The following STIM2 variants were observed in gnomAD, a reference collection of about 807,000 sequenced individuals.
STIM2 encodes the protein stromal interaction molecule 2.
STIM2 carries 31 observed loss-of-function variants against 85.8 expected under a neutral mutation model. That is an observed-to-expected ratio of 0.36 (90% CI 0.27 to 0.49). STIM2 has a LOEUF of 0.49. STIM2 is among the 20% of genes least tolerant of loss of function. The probability of loss-of-function intolerance (pLI) is 0.98; values close to 1 mark genes in which losing one functional copy is unlikely to be tolerated. For missense variants in STIM2, 841 were observed against 927.6 expected (o/e 0.91, Z 1.21); for synonymous variants, 356 against 331.1 (o/e 1.08, Z -0.82).
intron 1 of STIM2, among the ~76,000 whole-genome samples, chr4:26,897,144 A>G (rs937012986): frequency 1.3e-5 from 2 of 152,242 alleles, no homozygotes; most frequent in Non-Finnish European, 2.9e-5. Flanking sequence ...CTATTTACAA[A>G]TAAAATGCTT....
At position 26,976,808 on chromosome 4, in the gene STIM2, A is replaced by G. The variant is rs1222850831; in HGVS notation, c.398-18571A>G. On this transcript the variant is annotated intron_variant, in intron 3 of 11. Transcript: ENST00000467087. The stretch of plus-strand genomic sequence containing the variant: ...GACAGAGTGGGACTCTGTCTCAAAA[A>G]AACAAAAAAAATTATTTTTCCTGTG... 2.0e-5 allele frequency among the ~76,000 whole-genome samples: 3 copies of G among 152,286 alleles called. No individual in the cohort carries two copies. In the East Asian group the frequency reaches 5.8e-4, roughly 29 times the overall value.
intron 11 of STIM2, among the ~76,000 whole-genome samples, chr4:27,018,993 T>C (rs967075643): frequency 3.1e-4 from 47 of 152,228 alleles, no homozygotes; most frequent in African/African-American, 1.1e-3. Flanking sequence ...AGCAGCAGCG[T>C]ATTTCAGTCC....
At chr4:26,906,803 A>C (rs1724142672) in intron 1 of STIM2, among the ~76,000 whole-genome samples, 1 of 152,056 alleles carries the variant, frequency 6.6e-6, no homozygotes, top group African/African-American at 2.4e-5. Context: ...CATCTCTACT[A>C]AAAATACAAA....
intron 1 of STIM2, among the ~76,000 whole-genome samples, chr4:26,875,379 C>A (rs534108823): frequency 6.6e-6 from 1 of 152,040 alleles, no homozygotes; most frequent in South Asian, 2.1e-4. Context: ...TATCTGGTAA[C>A]TTTTATAGTG....
intron 1 of STIM2, among the ~76,000 whole-genome samples, chr4:26,906,754 A>C (rs1411161371): frequency 6.6e-6 from 1 of 152,032 alleles, no homozygotes; most frequent in African/African-American, 2.4e-5. Flanking sequence ...CACTGAATGT[A>C]AGAAATTATG....
intron 10 of STIM2, among the ~76,000 whole-genome samples, chr4:27,015,562 T>C (rs1311593501): frequency 1.3e-5 from 2 of 152,070 alleles, no homozygotes; most frequent in East Asian, 3.8e-4. Context: ...CACTTGAAAG[T>C]AATAATGTAA....
intron 1 of STIM2, among the ~76,000 whole-genome samples, chr4:26,903,100 C>T (rs993640726): frequency 2.6e-5 from 4 of 151,966 alleles, no homozygotes; most frequent in Non-Finnish European, 4.4e-5. Flanking sequence ...GAGAGTTCTA[C>T]GAAATAGTAA....
chr4:27,022,946 A>G lies in STIM2; in HGVS notation c.2191A>G (p.Ser731Gly). The G allele has an allele frequency of 1.2e-6, 2 of 1,613,994 alleles. No homozygotes were observed. Among genetic ancestry groups the G allele is most frequent in the Non-Finnish European group, 1.7e-6 (2 of 1,180,008 alleles). Residue 731 changes from serine to glycine, a missense_variant, in exon 12 of 12, where the codon AGC (serine) becomes GGC (glycine). By Grantham distance (56) the Ser-to-Gly change is moderately conservative. Around this residue, in one of 3 missense-constraint regions of STIM2, gnomAD observed 293 missense variants for 284.5 expected, o/e 1.03. Transcript: ENST00000467087. Reference sequence around the variant, plus strand: ...TGACCTTTGTCATAATGGAGAGAAAAGCAAAAAGCCATCAAAAATCAAAAG... The same window carrying G: ...TGACCTTTGTCATAATGGAGAGAAAGGCAAAAAGCCATCAAAAATCAAAAG...
At chr4:27,018,018 G>C (rs1337935346) in intron 11 of STIM2, 34 bp downstream of exon 11, 4 of 1,607,184 alleles carry the variant, frequency 2.5e-6, no homozygotes, top group Non-Finnish European at 3.4e-6. Context: ...GGGCATGTTG[G>C]GGCTGGGTTG....
At chr4:26,891,593 ACACACC>A (rs1206712302) in intron 1 of STIM2, among the ~76,000 whole-genome samples, 90 of 128,422 alleles carry the variant, frequency 7.0e-4, no homozygotes, top group African/African-American at 1.2e-3. Context: ...ACACACACAC[ACACACC>A]CCCTTTTGGT....
chr4:26,887,766 T>A (rs1429759717), intron 1 of STIM2, among the ~76,000 whole-genome samples: 1 of 152,218 alleles, frequency 6.6e-6, no homozygotes, highest in Non-Finnish European at 1.5e-5. Flanking sequence ...TTACCAATTA[T>A]TTAGTTGCAC....
chr4:26,963,775 A>G (rs1726576041), intron 3 of STIM2, among the ~76,000 whole-genome samples: 1 of 152,200 alleles, frequency 6.6e-6, no homozygotes, highest in Non-Finnish European at 1.5e-5. Flanking sequence ...TTTCATAGAA[A>G]TAAGAGAGGG....
chr4:26,902,902 A>G (rs952114312), intron 1 of STIM2, among the ~76,000 whole-genome samples: 1 of 152,154 alleles, frequency 6.6e-6, no homozygotes, highest in African/African-American at 2.4e-5. Flanking sequence ...AGTTTGTGAT[A>G]GTATGTGTTT....
At chr4:26,991,957 T>C (rs961730846) in intron 3 of STIM2, among the ~76,000 whole-genome samples, 9 of 152,052 alleles carry the variant, frequency 5.9e-5, no homozygotes, top group Admixed American at 2.6e-4. Context: ...AAGATACCTT[T>C]AAAAGGAATG....
At position 27,001,747 on chromosome 4, in the gene STIM2, T is replaced by C. The variant is rs939024699; in HGVS notation, c.626-470T>C. Reference sequence around the variant, plus strand: ...CTGATTAACCTAACCTAATTAGTTATATAGCTGCCTCCTTGGGGAAAATAC... The same window carrying C: ...CTGATTAACCTAACCTAATTAGTTACATAGCTGCCTCCTTGGGGAAAATAC... On this transcript the variant is annotated intron_variant, in intron 5 of 11. Transcript: ENST00000467087. 2.0e-5 allele frequency among the ~76,000 whole-genome samples: 3 copies of C among 152,184 alleles called. No individual in the cohort carries two copies. In the East Asian group the frequency reaches 5.8e-4, roughly 29 times the overall value.
chr4:26,978,270 CAT>C lies in STIM2; in HGVS notation c.398-17100_398-17099del, dbSNP rs201973076. On this transcript the variant is annotated intron_variant, in intron 3 of 11. Transcript: ENST00000467087. ...CACATATATACATATATATTTAAAT[CAT>C]ATATATATTTTCATATATATGAAAA... 4.3e-3 allele frequency among the ~76,000 whole-genome samples: 636 copies of C among 146,494 alleles called. 1 individual carries two copies. The highest frequency in any genetic ancestry group is 0.011 in the Middle Eastern group (3 of 276).
At position 26,954,876 on chromosome 4, in the gene STIM2, A is replaced by G. The variant is rs549514518; in HGVS notation, c.283-2736A>G. Among the ~76,000 whole-genome samples, 100 of 147,910 alleles carry G rather than the reference A, an allele frequency of 6.8e-4. 7 individuals carry two copies. Among genetic ancestry groups the G allele is most frequent in the Non-Finnish European group, 1.1e-3 (74 of 67,166 alleles). ...ATGTGGTTTGTTACGAGTTATTGTGATATCCTGGAGACATACTTCTGTTTT... is the reference window on the plus strand; with the variant it reads ...ATGTGGTTTGTTACGAGTTATTGTGGTATCCTGGAGACATACTTCTGTTTT... On this transcript the variant is annotated intron_variant, in intron 2 of 11. Coordinates refer to ENST00000467087, the MANE Select transcript of STIM2 (RefSeq NM_020860.4).
At chr4:26,913,440 G>A (rs567242954) in intron 1 of STIM2, among the ~76,000 whole-genome samples, 22 of 152,000 alleles carry the variant, frequency 1.4e-4, no homozygotes, top group African/African-American at 5.1e-4. Flanking sequence ...GTTCCCCTTG[G>A]TTATTTTTGT....
chr4:27,007,784 C>G, intron 8 of STIM2, 84 bp downstream of exon 8: 1 of 1,375,356 alleles, frequency 7.3e-7, no homozygotes, highest in Non-Finnish European at 9.6e-7. Flanking sequence ...ATACACAGAT[C>G]TGAATAAAAG....
Sources: allele counts gnomAD v4.1 joint callset (sites outside exome capture counted in the v4.1 genomes callset), GRCh38; gene constraint gnomAD v4.1.1; regional missense constraint gnomAD v4.1.1; transcripts MANE v1.5; gene names NCBI Gene and HGNC (gene_info 2026-07-23, HGNC 2026-07-21).